The following XIRP2 variants were observed in gnomAD, a reference collection of about 807,000 sequenced individuals.
XIRP2 encodes xin actin binding repeat containing 2, also known as xin actin-binding repeat-containing protein 2.
A neutral mutation model predicts 277.0 loss-of-function variants in XIRP2; 236 were observed. The observed-to-expected ratio is 0.85, with a 90% CI of 0.77 to 0.95. The LOEUF (loss-of-function observed/expected upper bound fraction) is 0.95, where lower values mean the gene tolerates loss of function less well. XIRP2 is among the 40% of genes least tolerant of loss of function. XIRP2 has a pLI of 0.00. For synonymous variants in XIRP2, 1,490 were observed against 1,416.5 expected, an observed-to-expected ratio of 1.05 and a Z score of -1.17; for missense variants, 4,640 against 4,157.5, an observed-to-expected ratio of 1.12 and a Z score of -3.19.
At chr2:167,153,481 A>G (rs1385743453) in intron 3 of XIRP2, among the ~76,000 whole-genome samples, 1 of 152,030 alleles carries the variant, frequency 6.6e-6, no homozygotes, top group Non-Finnish European at 1.5e-5. Flanking sequence ...ATATGTATAC[A>G]TGTGCCGTGC....
chr2:167,210,825 C>T lies in XIRP2; in HGVS notation c.653C>T (p.Ser218Phe). ...GTGTCAGACCTCCACGAAGTGGTCT[C>T]CCTGAAGGAGCGGATGGCGAGGTAC... ...EGVSDLHEVVSLKERMARYQA... is the reference protein window; with the variant it reads ...EGVSDLHEVVFLKERMARYQA... The change falls in exon 4 of 11, where the codon TCC becomes TTC. Residue 218 changes from serine to phenylalanine, a missense_variant. Ser to Phe is a radical substitution (Grantham distance 155). Coordinates refer to ENST00000409195, the MANE Select transcript of XIRP2 (RefSeq NM_152381.6). 6.2e-7 allele frequency: 1 copy of T among 1,614,184 alleles called. No individual in the cohort carries two copies. The highest frequency in any genetic ancestry group is 1.1e-5 in the South Asian group (1 of 91,078).
At chr2:167,141,546 G>A (rs1278193646) in intron 3 of XIRP2, among the ~76,000 whole-genome samples, 1 of 152,136 alleles carries the variant, frequency 6.6e-6, no homozygotes, top group African/African-American at 2.4e-5. Context: ...ATTTTAATTA[G>A]GATGATGAGA....
rs183091590 is a variant in XIRP2, at chr2:167,110,686, T to C, written c.409-25223T>C. ...TTTTTATTCCATATGTATTTTAAAATAGCTTTTCATGATTCTGTGAAGAAT... is the reference window on the plus strand; with the variant it reads ...TTTTTATTCCATATGTATTTTAAAACAGCTTTTCATGATTCTGTGAAGAAT... On this transcript the variant is annotated intron_variant, in intron 2 of 10. Transcript: ENST00000409195. 9.2e-5 allele frequency among the ~76,000 whole-genome samples: 14 copies of C among 152,296 alleles called. 1 individual carries two copies. Among genetic ancestry groups the C allele is most frequent in the Non-Finnish European group, 1.5e-4 (10 of 68,020 alleles).
chr2:167,204,594 G>A (rs1693806787), intron 3 of XIRP2, among the ~76,000 whole-genome samples: 1 of 152,094 alleles, frequency 6.6e-6, no homozygotes, highest in South Asian at 2.1e-4. Flanking sequence ...CTATCTCCTG[G>A]TATGATTGAG....
At chr2:166,916,678 T>C (rs1684892263) in intron 2 of XIRP2, among the ~76,000 whole-genome samples, 1 of 152,156 alleles carries the variant, frequency 6.6e-6, no homozygotes, top group African/African-American at 2.4e-5. Flanking sequence ...AAATGTACAG[T>C]TTGATAAAAG....
intron 2 of XIRP2, among the ~76,000 whole-genome samples, chr2:167,111,829 A>G (rs1328536509): frequency 6.6e-6 from 1 of 151,928 alleles, no homozygotes; most frequent in Non-Finnish European, 1.5e-5. Context: ...GCTTTTTACT[A>G]CTACTTCAAT....
At chr2:167,028,774 A>G (rs1688245675) in intron 2 of XIRP2, among the ~76,000 whole-genome samples, 1 of 151,986 alleles carries the variant, frequency 6.6e-6, no homozygotes, top group African/African-American at 2.4e-5. Context: ...TTTCAGACAA[A>G]GAATTCAAAG....
intron 3 of XIRP2, among the ~76,000 whole-genome samples, chr2:167,160,369 A>T (rs538454810): frequency 1.3e-5 from 2 of 152,296 alleles, no homozygotes; most frequent in South Asian, 2.1e-4. Context: ...CATTGTTGAA[A>T]ACTGGCATTA....
intron 5 of XIRP2, among the ~76,000 whole-genome samples, chr2:167,227,877 C>T (rs1237447045): frequency 2.0e-5 from 3 of 152,032 alleles, no homozygotes; most frequent in African/African-American, 7.2e-5. Flanking sequence ...TACTTCATTA[C>T]AATTTTTTTT....
At chr2:167,084,530 T>A (rs1320824461) in intron 2 of XIRP2, among the ~76,000 whole-genome samples, 1 of 151,630 alleles carries the variant, frequency 6.6e-6, no homozygotes, top group Non-Finnish European at 1.5e-5. Flanking sequence ...CAGTTCCTCC[T>A]TGTACCTCTG....
chr2:166,912,209 A>C lies in XIRP2; in HGVS notation c.408+8319A>C, dbSNP rs1355160623. 2.0e-5 allele frequency among the ~76,000 whole-genome samples: 3 copies of C among 152,170 alleles called. No individual in the cohort carries two copies. In the East Asian group the frequency reaches 5.8e-4, roughly 29 times the overall value. On this transcript the variant is annotated intron_variant, in intron 2 of 10. Transcript: ENST00000409195. ...ATAATATCCTGCAGAGTGTTTTCCA[A>C]CTTGGTTCCATTTTCCCCGTCACTT...
chr2:167,114,599 C>T (rs1169238553), intron 2 of XIRP2, among the ~76,000 whole-genome samples: 2 of 151,810 alleles, frequency 1.3e-5, no homozygotes, highest in African/African-American at 2.4e-5. Flanking sequence ...TCCCCCTTCC[C>T]CCCACCCCAC....
At chr2:167,108,129 G>A (rs75709075) in intron 2 of XIRP2, among the ~76,000 whole-genome samples, 5,255 of 151,582 alleles carry the variant, frequency 0.035, 122 homozygotes, top group South Asian at 0.083. Context: ...GTAATAATGT[G>A]TGTAGAAAAT....
intron 2 of XIRP2, among the ~76,000 whole-genome samples, chr2:167,019,425 G>T (rs1004199435): frequency 1.3e-5 from 2 of 152,174 alleles, no homozygotes; most frequent in East Asian, 3.9e-4. Context: ...ATTTAGAAGG[G>T]TGAAATTCTG....
rs577274013 is a variant in XIRP2, at chr2:166,988,489, G to C, written c.408+84599G>C. On this transcript the variant is annotated intron_variant, in intron 2 of 10. Transcript: ENST00000409195. ...AAGATGGCCGAATAGGAACAGCTCC[G>C]GTCTACAGCTCCCAGCGTGAGCGAC... 2.2e-5 allele frequency among the ~76,000 whole-genome samples: 3 copies of C among 134,278 alleles called. 1 individual carries two copies. Among genetic ancestry groups the C allele is most frequent in the African/African-American group, 8.9e-5 (3 of 33,804 alleles). 88.1% of individuals were successfully genotyped at this position (134,278 alleles called of 152,430 possible).
chr2:167,080,732 T>G (rs1345478590), intron 2 of XIRP2, among the ~76,000 whole-genome samples: 1 of 152,190 alleles, frequency 6.6e-6, no homozygotes, highest in African/African-American at 2.4e-5. Context: ...AAAATATCTT[T>G]CTCTAAGTTA....
At chr2:167,004,342 A>G (rs1000223276) in intron 2 of XIRP2, among the ~76,000 whole-genome samples, 1 of 151,918 alleles carries the variant, frequency 6.6e-6, no homozygotes, top group Non-Finnish European at 1.5e-5. Context: ...TCACAATATT[A>G]AATGGCAGGA....
intron 1 of XIRP2, among the ~76,000 whole-genome samples, chr2:166,902,204 G>C (rs984643522): frequency 6.6e-6 from 1 of 152,086 alleles, no homozygotes; most frequent in African/African-American, 2.4e-5. Flanking sequence ...TTAGTGGGCA[G>C]CACACATTAT....
chr2:167,086,195 C>G (rs1219418354), intron 2 of XIRP2, among the ~76,000 whole-genome samples: 1 of 151,994 alleles, frequency 6.6e-6, no homozygotes, highest in Non-Finnish European at 1.5e-5. Context: ...TTCTCCTGCA[C>G]TTATGAAGCT....
Sources: gnomAD v4.1 joint callset for allele counts (sites outside exome capture counted in the v4.1 genomes callset) on GRCh38, gnomAD v4.1.1 for gene constraint, MANE v1.5 for transcripts, NCBI Gene and HGNC (gene_info 2026-07-23, HGNC 2026-07-21) for gene names.